IL23R: variants seen among roughly 807,000 people sequenced by gnomAD.
IL23R encodes the protein interleukin-23 receptor.
IL23R carries 34 observed loss-of-function variants against 56.9 expected under a neutral mutation model. The observed-to-expected ratio is 0.60, with a 90% confidence interval of 0.45 to 0.80. The LOEUF (loss-of-function observed/expected upper bound fraction) is 0.80, where lower values mean the gene tolerates loss of function less well. Ranked by LOEUF, IL23R falls within the 30% of genes least tolerant of loss-of-function variation. IL23R has a pLI of 0.00. For missense variants in IL23R, 635 were observed against 730.0 expected (o/e 0.87, Z 1.50); for synonymous variants, 230 against 249.2 (o/e 0.92, Z 0.73).
chr1:67,150,135 T>C (rs1227782914), intron 1 of IL23R, among the ~76,000 whole-genome samples: 1 of 152,084 alleles, frequency 6.6e-6, no homozygotes, highest in African/African-American at 2.4e-5. Context: ...TTAAATTCCA[T>C]CTATATGCAG....
At chr1:67,260,057 CTT>C (rs1653152320), downstream of IL23R, 4 of 150,476 alleles carry the variant, frequency 2.7e-5, no homozygotes, top group African/African-American at 9.8e-5. Flanking sequence ...TTAAAATTCT[CTT>C]GAGTAGATAA....
At chr1:67,161,580 A>G (rs1646820639), upstream of IL23R, among the ~76,000 whole-genome samples, 1 of 151,034 alleles carries the variant, frequency 6.6e-6, no homozygotes, top group Admixed American at 6.6e-5. Context: ...CAAACTACGT[A>G]CTCCCTTGCA....
chr1:67,217,899 C>CT (rs879736784), intron 6 of IL23R, among the ~76,000 whole-genome samples: 121 of 141,708 alleles, frequency 8.5e-4, no homozygotes, highest in Middle Eastern at 3.6e-3. Context: ...ATACCTCATT[C>CT]TTTTTTTTTT....
intron 7 of IL23R, among the ~76,000 whole-genome samples, chr1:67,223,527 T>G (rs1650432734): frequency 6.6e-6 from 1 of 152,148 alleles, no homozygotes; most frequent in African/African-American, 2.4e-5. Context: ...TTAGGGAAAG[T>G]GCTCATGTTA....
intron 10 of IL23R, among the ~76,000 whole-genome samples, chr1:67,256,162 G>A (rs1652937539): frequency 6.6e-6 from 1 of 152,190 alleles, no homozygotes; most frequent in Non-Finnish European, 1.5e-5. Flanking sequence ...CTGTTCAAAA[G>A]AGAAAAGTGA....
In IL23R at chr1:67,259,893, G is replaced by A. The variant is rs370741274; in HGVS notation, c.*765G>A. The A allele has an allele frequency of 6.8e-6, 1 of 146,310 alleles. No individual in the cohort carries two copies. Among genetic ancestry groups the A allele is most frequent in the Admixed American group, 7.0e-5 (1 of 14,322 alleles). The allele number at this position is 146,310 out of a possible 1,614,324, so 9.1% of individuals were successfully genotyped here. A position where few individuals can be genotyped will look rare whatever the true frequency, so the allele number is the denominator to read the frequency against. Reference sequence around the variant, plus strand: ...GCAGGAGAATCACTTGAACCAGGAAGGCAGAGGTTGCACTGAGCTGAGATT... The same window carrying A: ...GCAGGAGAATCACTTGAACCAGGAAAGCAGAGGTTGCACTGAGCTGAGATT... On this transcript the variant is annotated 3_prime_UTR_variant, in exon 11 of 11. Coordinates refer to ENST00000347310, the MANE Select transcript of IL23R (RefSeq NM_144701.3).
chr1:67,161,682 C>A (rs1467199672), upstream of IL23R, among the ~76,000 whole-genome samples: 1 of 151,880 alleles, frequency 6.6e-6, no homozygotes, highest in Non-Finnish European at 1.5e-5. Flanking sequence ...GGCTGGAGTG[C>A]TGTGGCGCGA....
chr1:67,167,192 T>A (rs1646883388), intron 1 of IL23R, among the ~76,000 whole-genome samples: 1 of 152,124 alleles, frequency 6.6e-6, no homozygotes, highest in African/African-American at 2.4e-5. Flanking sequence ...AACCTTCACC[T>A]CCCGGGTAGC....
At chr1:67,183,243 G>A (rs991271124) in intron 4 of IL23R, among the ~76,000 whole-genome samples, 9 of 152,170 alleles carry the variant, frequency 5.9e-5, no homozygotes, top group African/African-American at 2.2e-4. Context: ...ACAGTTTTAA[G>A]CCATTGCTTA....
chr1:67,234,048 TA>T (rs892874842), intron 7 of IL23R, among the ~76,000 whole-genome samples: 13 of 151,988 alleles, frequency 8.6e-5, no homozygotes, highest in African/African-American at 3.1e-4. Context: ...GCAGGTGGAT[TA>T]AAAGGATGGG....
At chr1:67,258,380 G>A (rs1653066934) in intron 10 of IL23R, 98 bp from the exon 11 acceptor site, 3 of 835,782 alleles carry the variant, frequency 3.6e-6, no homozygotes, top group Admixed American at 2.4e-5. Flanking sequence ...AGGGAGAAAG[G>A]AAAGTTGAAA....
At chr1:67,208,035 G>T (rs888866801) in intron 6 of IL23R, among the ~76,000 whole-genome samples, 24 of 152,198 alleles carry the variant, frequency 1.6e-4, no homozygotes, top group African/African-American at 5.8e-4. Context: ...GAGGAAAGGT[G>T]ACTCTTGTTA....
downstream of IL23R, among the ~76,000 whole-genome samples, chr1:67,263,132 T>A (rs68110918): frequency 0.016 from 2,283 of 139,604 alleles, 53 homozygotes; most frequent in African/African-American, 0.054. Context: ...TTTTTTTTTT[T>A]AACAGGTCAC....
At chr1:67,186,938 A>G (rs1255463702) in intron 4 of IL23R, among the ~76,000 whole-genome samples, 1 of 152,114 alleles carries the variant, frequency 6.6e-6, no homozygotes, top group Non-Finnish European at 1.5e-5. Context: ...CCTTTTTTTA[A>G]TAATGTTCCA....
At chr1:67,163,588 T>A (rs576457492), upstream of IL23R, among the ~76,000 whole-genome samples, 4 of 150,570 alleles carry the variant, frequency 2.7e-5, no homozygotes, top group Non-Finnish European at 4.4e-5. Flanking sequence ...TGTGGGCGGA[T>A]CCTGCATGAA....
At position 67,200,289 on chromosome 1, in the gene IL23R, G is replaced by A. The variant is rs537751505; in HGVS notation, c.492-448G>A. Among the ~76,000 whole-genome samples, 11 of 151,996 alleles carry A rather than the reference G, an allele frequency of 7.2e-5. No homozygotes were observed. In the South Asian group the frequency reaches 1.9e-3, roughly 26 times the overall value. ...GATCTCCTGACCTTGTGATCCGCCC[G>A]CCTCGGCCTCCCAAAGTGCTGGGAT... On this transcript the variant is annotated intron_variant, in intron 4 of 10. Coordinates refer to ENST00000347310, the MANE Select transcript of IL23R (RefSeq NM_144701.3).
chr1:67,151,663 G>C (rs2902439), intron 1 of IL23R, among the ~76,000 whole-genome samples: 71,699 of 151,940 alleles, frequency 0.47, 17,748 homozygotes, highest in South Asian at 0.63. Flanking sequence ...TCAATTTTCT[G>C]TATATGGCTA....
At chr1:67,196,057 T>A (rs1364141541) in intron 4 of IL23R, 1 of 152,256 alleles carries the variant, frequency 6.6e-6, no homozygotes, top group Non-Finnish European at 1.5e-5. Context: ...TTTTTAAGCT[T>A]TATCTTCTCC....
intron 1 of IL23R, among the ~76,000 whole-genome samples, chr1:67,152,325 G>A (rs1646735554): frequency 6.6e-6 from 1 of 152,196 alleles, no homozygotes; most frequent in Admixed American, 6.5e-5. Flanking sequence ...TGAGACTGCT[G>A]AAGTTGATTA....
Sources: allele counts gnomAD v4.1 joint callset (sites outside exome capture counted in the v4.1 genomes callset), GRCh38; gene constraint gnomAD v4.1.1; transcripts MANE v1.5; gene names NCBI Gene and HGNC (gene_info 2026-07-23, HGNC 2026-07-21).